Variants in COLEC12 observed in about 807,000 individuals in gnomAD.
COLEC12 encodes the protein collectin-12.
Under a neutral mutation model 71.1 loss-of-function variants are expected in COLEC12, and 33 were observed. The ratio of observed to expected loss-of-function variants is 0.46; its 90% CI spans 0.35 to 0.62. The LOEUF is 0.62. COLEC12 is among the 20% of genes least tolerant of loss of function. The probability of loss-of-function intolerance (pLI) is 0.00; values close to 1 mark genes in which losing one functional copy is unlikely to be tolerated. For synonymous variants in COLEC12, 350 were observed against 353.0 expected (o/e 0.99, Z 0.10); for missense variants, 765 against 916.1 (o/e 0.84, Z 2.13).
intron 2 of COLEC12, among the ~76,000 whole-genome samples, chr18:366,090 T>TA (rs1384190981): frequency 3.9e-5 from 6 of 152,204 alleles, no homozygotes; most frequent in Non-Finnish European, 8.8e-5. Context: ...AGGCAGTAGT[T>TA]ATACTGGTGA....
intron 2 of COLEC12, among the ~76,000 whole-genome samples, chr18:400,013 G>A (rs1046049673): frequency 1.3e-5 from 2 of 152,100 alleles, no homozygotes; most frequent in African/African-American, 4.8e-5. Flanking sequence ...CCATGACATA[G>A]TTTTTGCAAG....
intron 2 of COLEC12, among the ~76,000 whole-genome samples, chr18:360,486 T>G (rs1172829238): frequency 2.0e-5 from 3 of 152,170 alleles, no homozygotes; most frequent in African/African-American, 7.2e-5. Context: ...CCACCACGCC[T>G]GGCCAAGAAT....
At position 327,266 on chromosome 18, in the gene COLEC12, G is replaced by C. The variant is rs554999443; in HGVS notation, c.2063+4402C>G. Among the ~76,000 whole-genome samples, 2 of 152,192 alleles carry C rather than the reference G, an allele frequency of 1.3e-5. No individual in the cohort carries two copies. The highest frequency in any genetic ancestry group is 2.9e-5 in the Non-Finnish European group (2 of 68,042). ...TTATTATTATTTTTTTTAATGCTGAGATTTGCTGATTGGTACTTTCTAAAA... is the reference window on the plus strand; with the variant it reads ...TTATTATTATTTTTTTTAATGCTGACATTTGCTGATTGGTACTTTCTAAAA... On this transcript the variant is annotated intron_variant, in intron 8 of 9. Coordinates refer to ENST00000400256, the MANE Select transcript of COLEC12 (RefSeq NM_130386.3). This position sits in a 1 kb window ranked among gnomAD's most constrained non-coding sequence, Gnocchi z 4.0.
intron 1 of COLEC12, among the ~76,000 whole-genome samples, chr18:497,802 GATGTA>G (rs1163156601): frequency 3.3e-5 from 5 of 152,198 alleles, no homozygotes; most frequent in African/African-American, 1.2e-4. Context: ...ACAACTATTT[GATGTA>G]ATCAGGAACC....
chr18:423,194 AG>A (rs1486943799), intron 2 of COLEC12, among the ~76,000 whole-genome samples: 1 of 152,186 alleles, frequency 6.6e-6, no homozygotes, highest in Non-Finnish European at 1.5e-5. Context: ...GCTTGAGCCC[AG>A]GAAGTCAAGG....
intron 2 of COLEC12, among the ~76,000 whole-genome samples, chr18:370,218 C>A (rs976357592): frequency 6.6e-6 from 1 of 152,204 alleles, no homozygotes; most frequent in Admixed American, 6.5e-5. Flanking sequence ...ACCAGGAGCA[C>A]ACCAGCTCTG....
chr18:384,325 C>T lies in COLEC12; in HGVS notation c.59-26803G>A, dbSNP rs1198529894. ...CTCACCTGGAGGATGGTACCCATTC[C>T]GGGCCACTAACTTGAGGAAGGCTGG... On this transcript the variant is annotated intron_variant, in intron 2 of 9. Coordinates refer to ENST00000400256, the MANE Select transcript of COLEC12 (RefSeq NM_130386.3). 3.9e-5 allele frequency among the ~76,000 whole-genome samples: 6 copies of T among 152,164 alleles called. No homozygotes were observed. In the East Asian group the frequency reaches 5.8e-4, roughly 15 times the overall value.
chr18:441,180 G>T (rs934503803), intron 2 of COLEC12, among the ~76,000 whole-genome samples: 24 of 149,166 alleles, frequency 1.6e-4, no homozygotes, highest in African/African-American at 5.9e-4. Flanking sequence ...CCCGGGAGGC[G>T]GAGCTTGCAG....
chr18:417,547 CA>C (rs571531525), intron 2 of COLEC12, among the ~76,000 whole-genome samples: 1 of 151,734 alleles, frequency 6.6e-6, no homozygotes, highest in South Asian at 2.1e-4. Context: ...CCAAGGCCAT[CA>C]TCAACATGCC....
chr18:406,798 G>A (rs755231031), intron 2 of COLEC12, among the ~76,000 whole-genome samples: 1 of 152,234 alleles, frequency 6.6e-6, no homozygotes, highest in Non-Finnish European at 1.5e-5. Flanking sequence ...TCTTTCTCTT[G>A]TGTCGTTGTG....
chr18:446,967 T>G (rs1916666507), intron 2 of COLEC12, among the ~76,000 whole-genome samples: 2 of 152,214 alleles, frequency 1.3e-5, no homozygotes, highest in African/African-American at 4.8e-5. Flanking sequence ...CAGTACCACC[T>G]GAACAGTTAT....
At chr18:332,865 C>T in intron 7 of COLEC12, 142 bp downstream of exon 7, 1 of 700,472 alleles carries the variant, frequency 1.4e-6, no homozygotes, top group Non-Finnish European at 2.3e-6. Flanking sequence ...CTGGATGAAA[C>T]CCAAATCTCT....
At chr18:441,077 T>C (rs1419543274) in intron 2 of COLEC12, among the ~76,000 whole-genome samples, 1 of 125,386 alleles carries the variant, frequency 8.0e-6, no homozygotes, top group Admixed American at 9.3e-5. Flanking sequence ...TGAAACCCTG[T>C]CTCTACTAAA....
At chr18:393,240 A>G (rs749780439) in intron 2 of COLEC12, among the ~76,000 whole-genome samples, 10 of 152,216 alleles carry the variant, frequency 6.6e-5, no homozygotes, top group Admixed American at 5.9e-4. Flanking sequence ...ATTGTTGAAG[A>G]TATTTCCACT....
intron 2 of COLEC12, among the ~76,000 whole-genome samples, chr18:453,979 C>G (rs551795495): frequency 9.6e-4 from 146 of 152,300 alleles, no homozygotes; most frequent in African/African-American, 3.2e-3. Flanking sequence ...TCAAAGACAC[C>G]ATCACCTCTG....
At chr18:372,443 G>T (rs1915020998) in intron 2 of COLEC12, among the ~76,000 whole-genome samples, 1 of 151,846 alleles carries the variant, frequency 6.6e-6, no homozygotes, top group South Asian at 2.1e-4. Flanking sequence ...TTTGAGACAG[G>T]GTCTTGCTCT....
intron 2 of COLEC12, among the ~76,000 whole-genome samples, chr18:437,757 G>A (rs981833057): frequency 6.6e-6 from 1 of 152,184 alleles, no homozygotes; most frequent in African/African-American, 2.4e-5. Context: ...ATGACAATAG[G>A]TTGCGTTAAG....
chr18:380,529 T>C (rs1915207917), intron 2 of COLEC12, among the ~76,000 whole-genome samples: 1 of 152,090 alleles, frequency 6.6e-6, no homozygotes, highest in South Asian at 2.1e-4. Context: ...GTACCCCAAA[T>C]TTGTGTCGAT....
At chr18:432,267 A>T (rs12967316) in intron 2 of COLEC12, among the ~76,000 whole-genome samples, 11,495 of 152,290 alleles carry the variant, frequency 0.075, 468 homozygotes, top group Middle Eastern at 0.11. Flanking sequence ...TCTGAGACCT[A>T]CATTAAAATA....
Sources: allele counts gnomAD v4.1 joint callset (sites outside exome capture counted in the v4.1 genomes callset), GRCh38; gene constraint gnomAD v4.1.1; non-coding constraint Gnocchi (gnomAD v3.1); transcripts MANE v1.5; gene names NCBI Gene and HGNC (gene_info 2026-07-23, HGNC 2026-07-21).